ANKRD30B: variants seen among roughly 807,000 people sequenced by gnomAD.
The protein encoded by ANKRD30B is ankyrin repeat domain 30B.
ANKRD30B carries 144 observed loss-of-function variants against 202.2 expected under a neutral mutation model. That is an observed-to-expected ratio of 0.71 (90% confidence interval 0.62 to 0.82). ANKRD30B has a LOEUF of 0.82. ANKRD30B is among the 40% of genes least tolerant of loss of function. The pLI is 0.00. For missense variants in ANKRD30B, 1,487 were observed against 1,669.1 expected (o/e 0.89, Z 1.90); for synonymous variants, 508 against 561.3 (o/e 0.91, Z 1.34).
chr18:14,888,583 T>A, the ANKRD30B span: 2 of 368,400 alleles, frequency 5.4e-6, no homozygotes, highest in African/African-American at 2.1e-5. Context: ...GATCAGTTTT[T>A]CAGTAGTTTT....
chr18:14,916,535 C>G, the ANKRD30B span, among the ~76,000 whole-genome samples: 2 of 152,114 alleles, frequency 1.3e-5, no homozygotes. Flanking sequence ...TCTCTCTAAC[C>G]CTGTATTCCC....
chr18:14,763,573 A>G (rs1915601969), intron 6 of ANKRD30B, 113 bp from the exon 7 acceptor site: 1 of 1,433,030 alleles, frequency 7.0e-7, no homozygotes, highest in African/African-American at 1.4e-5. Context: ...GAGAAAAGAA[A>G]AGTTTGGTAA....
chr18:14,864,249 G>A, the ANKRD30B span, among the ~76,000 whole-genome samples: 3 of 151,934 alleles, frequency 2.0e-5, no homozygotes, highest in Non-Finnish European at 4.4e-5. Flanking sequence ...TCAAAAGAAT[G>A]GCTTGAACCG....
At chr18:14,908,811 C>A in the ANKRD30B span, among the ~76,000 whole-genome samples, 2 of 152,262 alleles carry the variant, frequency 1.3e-5, no homozygotes, top group Admixed American at 1.3e-4. Flanking sequence ...TCCAGGGCTC[C>A]TGAGGGCCCT....
In ANKRD30B at chr18:14,811,316, A is replaced by G. The variant is rs548266263; in HGVS notation, c.2488+1136A>G. ...AAGCTCCACCTCCCGGCTTCACGCCATTCTCCTGCCTGGGCCTCCCAAGTA... is the reference window on the plus strand; with the variant it reads ...AAGCTCCACCTCCCGGCTTCACGCCGTTCTCCTGCCTGGGCCTCCCAAGTA... On this transcript the variant is annotated intron_variant, in intron 28 of 43. Coordinates refer to ENST00000690538, the MANE Select transcript of ANKRD30B (RefSeq NM_001367607.2). 6.6e-5 allele frequency among the ~76,000 whole-genome samples: 10 copies of G among 150,992 alleles called. 1 individual carries two copies. The South Asian group carries it at 1.9e-3, about 29-fold the overall frequency.
At chr18:14,799,175 A>C (rs771225458) in intron 21 of ANKRD30B, 46 bp downstream of exon 21, 2 of 1,589,686 alleles carry the variant, frequency 1.3e-6, no homozygotes, top group East Asian at 2.3e-5. Context: ...TACATATTTT[A>C]TGAAGTATAC....
chr18:14,893,801 C>A, the ANKRD30B span, among the ~76,000 whole-genome samples: 2 of 150,648 alleles, frequency 1.3e-5, no homozygotes, highest in African/African-American at 2.4e-5. Context: ...ATAGAAGAGG[C>A]TGTCTTTCTT....
chr18:14,849,131 C>A (rs1971778615), intron 40 of ANKRD30B, among the ~76,000 whole-genome samples: 1 of 151,746 alleles, frequency 6.6e-6, no homozygotes, highest in Admixed American at 6.6e-5. Context: ...ATTTAAATCA[C>A]AATTTTAATG....
intron 11 of ANKRD30B, among the ~76,000 whole-genome samples, chr18:14,781,385 C>T (rs1967734635): frequency 6.7e-6 from 1 of 149,786 alleles, no homozygotes; most frequent in Non-Finnish European, 1.5e-5. Flanking sequence ...AGTTCTGCCT[C>T]CTGGGTTCAC....
the ANKRD30B span, among the ~76,000 whole-genome samples, chr18:14,933,835 CAT>C: frequency 6.6e-6 from 1 of 152,184 alleles, no homozygotes; most frequent in Non-Finnish European, 1.5e-5. Context: ...GATGGTGAAA[CAT>C]AAAATGAACT....
Position 14,764,010 on chromosome 18 carries a change from A to C in ANKRD30B, c.1145A>C (p.Lys382Thr). 3.8e-6 allele frequency: 6 copies of C among 1,576,514 alleles called. No homozygotes were observed. The highest frequency in any genetic ancestry group is 1.7e-4 in the Middle Eastern group (1 of 5,876). Reference sequence around the variant, plus strand: ...TGCGTGGCAGGAGTAACACCTAATAAAACTGAAGTTTTGGAAAAAGGAACA... The same window carrying C: ...TGCGTGGCAGGAGTAACACCTAATACAACTGAAGTTTTGGAAAAAGGAACA... ...TECVAGVTPN[K>T]TEVLEKGTSN... Residue 382 changes from lysine to threonine, a missense_variant, in exon 7 of 44, where the codon AAA becomes ACA. Physicochemically the swap from Lys to Thr is moderately conservative, Grantham distance 78 (BLOSUM62 -1). This residue lies in a region of ANKRD30B where 889 missense variants were observed against 841.4 expected (regional missense o/e 1.06). Transcript: ENST00000690538.
intron 34 of ANKRD30B, among the ~76,000 whole-genome samples, chr18:14,832,907 A>G (rs1379295302): frequency 1.3e-5 from 2 of 152,116 alleles, no homozygotes; most frequent in Non-Finnish European, 2.9e-5. Context: ...AAAATTTAAT[A>G]TATTTTAGTC....
chr18:14,788,124 G>A lies in ANKRD30B; in HGVS notation c.1734+1024G>A, dbSNP rs78108100. Among the ~76,000 whole-genome samples the A allele has an allele frequency of 3.3e-3, 509 of 152,276 alleles. 5 individuals are homozygous for A. Among genetic ancestry groups the A allele is most frequent in the African/African-American group, 0.011 (456 of 41,560 alleles). ...CAGACATCATTTTTAACGCTAAACA[G>A]TTCTATGACCATGAATATTTTAAAT... On this transcript the variant is annotated intron_variant, in intron 15 of 43. Transcript: ENST00000690538.
At chr18:14,805,959 G>A (rs1054742108) in intron 24 of ANKRD30B, among the ~76,000 whole-genome samples, 4 of 150,350 alleles carry the variant, frequency 2.7e-5, no homozygotes, top group Non-Finnish European at 4.4e-5. Context: ...GGTGACTCAC[G>A]CCTGTAATCC....
rs1168321274 is a variant in ANKRD30B, at chr18:14,784,649, A to T, written c.1672+114A>T. On this transcript the variant is annotated intron_variant, in intron 14 of 43. Coordinates refer to ENST00000690538, the MANE Select transcript of ANKRD30B (RefSeq NM_001367607.2). ...TAACTTTGATGAAAAGATTTGATCT[A>T]GATAATGCCAATACTGGTATTTATG... The T allele has an allele frequency of 1.3e-4, 160 of 1,202,784 alleles. 4 individuals carry two copies. In the South Asian group the frequency reaches 2.5e-3, roughly 19 times the overall value. 74.5% of individuals were successfully genotyped at this position (1,202,784 alleles called of 1,614,324 possible).
In ANKRD30B at chr18:14,854,453, C is replaced by T. The variant is rs140257328; in HGVS notation, c.*295C>T. ...ATGAGAAGGGGACAGGTCCTTTCTTCACAAGACCAGTCTTTGCTCCAGAAA... is the reference window on the plus strand; with the variant it reads ...ATGAGAAGGGGACAGGTCCTTTCTTTACAAGACCAGTCTTTGCTCCAGAAA... On this transcript the variant is annotated 3_prime_UTR_variant, in exon 44 of 44. Transcript: ENST00000690538. Among the ~76,000 whole-genome samples, 6,292 of 152,172 alleles carry T rather than the reference C, an allele frequency of 0.041. 423 individuals carry two copies. Among genetic ancestry groups the T allele is most frequent in the African/African-American group, 0.14 (5,971 of 41,468 alleles).
chr18:14,937,895 GC>G, the ANKRD30B span, among the ~76,000 whole-genome samples: 2 of 152,158 alleles, frequency 1.3e-5, no homozygotes, highest in African/African-American at 4.8e-5. Flanking sequence ...CTGGGTGACT[GC>G]CCCCACAAAC....
the ANKRD30B span, among the ~76,000 whole-genome samples, chr18:14,912,282 G>A: frequency 1.3e-5 from 2 of 152,120 alleles, no homozygotes; most frequent in Admixed American, 6.5e-5. Flanking sequence ...ATTATGATGA[G>A]CTGTATTCCT....
chr18:14,844,688 A>T (rs1971559391), intron 39 of ANKRD30B, among the ~76,000 whole-genome samples: 1 of 152,220 alleles, frequency 6.6e-6, no homozygotes, highest in African/African-American at 2.4e-5. Flanking sequence ...GAGCGAGTTT[A>T]CACTCCCACC....
Sources: allele counts gnomAD v4.1 joint callset (sites outside exome capture counted in the v4.1 genomes callset), GRCh38; gene constraint gnomAD v4.1.1; regional missense constraint gnomAD v4.1.1; transcripts MANE v1.5; gene names NCBI Gene and HGNC (gene_info 2026-07-23, HGNC 2026-07-21).